ITGA8: variants seen among roughly 807,000 people sequenced by gnomAD.
The protein encoded by ITGA8 is integrin subunit alpha 8, also known as integrin alpha-8.
A neutral mutation model predicts 142.3 loss-of-function variants in ITGA8; 91 were observed. That is an observed-to-expected ratio of 0.64 (90% CI 0.54 to 0.76). The LOEUF (loss-of-function observed/expected upper bound fraction) is 0.76, where lower values mean the gene tolerates loss of function less well. ITGA8 is among the 30% of genes least tolerant of loss of function. ITGA8 has a pLI of 0.00. For synonymous variants in ITGA8, 505 were observed against 485.2 expected, an observed-to-expected ratio of 1.04 and a Z score of -0.54; for missense variants, 1,406 against 1,327.7, an observed-to-expected ratio of 1.06 and a Z score of -0.92.
chr10:15,710,897 A>G (rs564941472), intron 2 of ITGA8, among the ~76,000 whole-genome samples: 1 of 152,304 alleles, frequency 6.6e-6, no homozygotes, highest in South Asian at 2.1e-4. Flanking sequence ...CTCTCGTGTC[A>G]GTATGTCCTG....
At chr10:15,649,553 G>A (rs914089222) in intron 11 of ITGA8, among the ~76,000 whole-genome samples, 5 of 151,136 alleles carry the variant, frequency 3.3e-5, no homozygotes, top group Non-Finnish European at 4.4e-5. Context: ...GCTTGAACCC[G>A]GGAGGCAGAG....
At position 15,517,227 on chromosome 10, in the gene ITGA8, T is replaced by A; in HGVS notation, c.3123A>T (p.Arg1041Ser). Residue 1041 changes from arginine (R) to serine (S), a missense_variant, in exon 30 of 30, where the codon AGA becomes AGT. By Grantham distance (110) the Arg-to-Ser change is moderately radical. Transcript: ENST00000378076. The stretch of plus-strand genomic sequence containing the variant: ...TCATGTCCTCCTGAGGAGGTCTGGC[T>A]CTGTCAAAGAATCCACACTATAAAG... ...LALWKCGFFDRARPPQEDMTD... is the reference protein window; with the variant it reads ...LALWKCGFFDSARPPQEDMTD... The A allele has an allele frequency of 6.2e-7, 1 of 1,612,946 alleles. No individual in the cohort carries two copies. The highest frequency in any genetic ancestry group is 8.5e-7 in the Non-Finnish European group (1 of 1,179,258).
rs751776244 is a variant in ITGA8 at position 15,548,523 on chromosome 10, G to A, written c.2812C>T (p.Arg938Ter). 14 of 1,605,908 alleles carry A rather than the reference G, an allele frequency of 8.7e-6. No individual in the cohort carries two copies. Among genetic ancestry groups the A allele is most frequent in the Middle Eastern group, 1.7e-4 (1 of 6,060 alleles). Reference protein sequence around the residue: ...ECLQISCAVGRLEGGESAVLK... With the variant: ...ECLQISCAVG Reference sequence around the variant, plus strand: ...ACTGCGCTTTCTCCTCCTTCGAGTCGTCCCACTGCACAGGAGATTTGTAAA... The same window carrying A: ...ACTGCGCTTTCTCCTCCTTCGAGTCATCCCACTGCACAGGAGATTTGTAAA... Residue 938 changes from arginine (R) to a stop codon, truncating the protein, a stop_gained, in exon 27 of 30, where the codon CGA becomes TGA. Transcript: ENST00000378076. LOFTEE classifies it high-confidence loss of function.
intron 6 of ITGA8, among the ~76,000 whole-genome samples, chr10:15,673,943 C>T (rs982884868): frequency 2.0e-5 from 3 of 148,734 alleles, no homozygotes; most frequent in Non-Finnish European, 4.4e-5. Flanking sequence ...TTACCATGGA[C>T]ATCTAAGGCA....
At chr10:15,655,209 T>C (rs569057657) in intron 11 of ITGA8, 145 bp downstream of exon 11, 233 of 513,982 alleles carry the variant, frequency 4.5e-4, no homozygotes, top group African/African-American at 4.4e-3. Flanking sequence ...AGATGCATCT[T>C]CTTGTCTTGA....
chr10:15,662,527 CAG>C (rs1834309575), intron 8 of ITGA8, among the ~76,000 whole-genome samples: 1 of 151,716 alleles, frequency 6.6e-6, no homozygotes, highest in African/African-American at 2.4e-5. Context: ...TTTGTAGAGA[CAG>C]GGTCTCACTA....
At chr10:15,602,010 C>T (rs1833112569) in intron 20 of ITGA8, among the ~76,000 whole-genome samples, 1 of 152,226 alleles carries the variant, frequency 6.6e-6, no homozygotes, top group East Asian at 1.9e-4. Flanking sequence ...CAGATAATGT[C>T]CCTTGTAATG....
intron 15 of ITGA8, among the ~76,000 whole-genome samples, chr10:15,613,350 C>A (rs1029106422): frequency 1.3e-5 from 2 of 152,132 alleles, no homozygotes; most frequent in Non-Finnish European, 2.9e-5. Flanking sequence ...ATTTGTTTGA[C>A]TGGGAATTTC....
intron 8 of ITGA8, among the ~76,000 whole-genome samples, chr10:15,662,116 C>A (rs10904611): frequency 0.59 from 89,869 of 151,714 alleles, 27,453 homozygotes; most frequent in South Asian, 0.76. Context: ...GTGAAGTCTG[C>A]AATCTCATGT....
chr10:15,606,217 AAGCCATGAGAACAACACCC>A, intron 18 of ITGA8, 49 bp downstream of exon 18: 1 of 1,393,870 alleles, frequency 7.2e-7, no homozygotes, highest in Non-Finnish European at 9.8e-7. Flanking sequence ...TTTAGTCTTA[AAGCCATGAGAACAACACCC>A]CAGAGAGCTT....
intron 4 of ITGA8, 53 bp downstream of exon 4, chr10:15,683,951 C>T (rs191357480): frequency 3.2e-5 from 52 of 1,608,582 alleles, no homozygotes; most frequent in South Asian, 2.0e-4. Context: ...CTCCTGTCTA[C>T]GATAGAAAAG....
chr10:15,561,306 G>A (rs1047694899), intron 25 of ITGA8, among the ~76,000 whole-genome samples: 1 of 148,094 alleles, frequency 6.8e-6, no homozygotes, highest in Non-Finnish European at 1.5e-5. Flanking sequence ...ATAAATAAAT[G>A]GAAAAATAAC....
chr10:15,683,767 G>A (rs1326061425), intron 4 of ITGA8, among the ~76,000 whole-genome samples: 1 of 152,240 alleles, frequency 6.6e-6, no homozygotes, highest in East Asian at 1.9e-4. Context: ...AATCAATTCT[G>A]CAAAATATCT....
At chr10:15,613,015 G>C (rs1833326296) in intron 15 of ITGA8, among the ~76,000 whole-genome samples, 1 of 152,104 alleles carries the variant, frequency 6.6e-6, no homozygotes, top group Non-Finnish European at 1.5e-5. Context: ...ACAAAAATTA[G>C]CTGGGAATGA....
At chr10:15,576,386 T>C (rs1195067061) in intron 23 of ITGA8, among the ~76,000 whole-genome samples, 1 of 152,198 alleles carries the variant, frequency 6.6e-6, no homozygotes, top group African/African-American at 2.4e-5. Context: ...TTATTTTATA[T>C]AAAAAGCTGA....
chr10:15,680,283 A>C (rs1209785572), intron 4 of ITGA8, among the ~76,000 whole-genome samples: 11 of 118,708 alleles, frequency 9.3e-5, no homozygotes, highest in Non-Finnish European at 9.5e-5. Context: ...GCTGGAGTGC[A>C]GTGGCGCGAT....
At chr10:15,596,136 G>A (rs1342477022) in intron 21 of ITGA8, among the ~76,000 whole-genome samples, 2 of 152,214 alleles carry the variant, frequency 1.3e-5, no homozygotes, top group African/African-American at 4.8e-5. Flanking sequence ...GACTATGATA[G>A]TGAAAAATGT....
At chr10:15,660,834 A>G (rs376515579) in intron 9 of ITGA8, 45 bp downstream of exon 9, 10 of 1,462,656 alleles carry the variant, frequency 6.8e-6, no homozygotes, top group East Asian at 4.5e-5. Context: ...AGGAGCACCT[A>G]TACAAGAAAA....
chr10:15,517,353 C>T (rs915768270), intron 29 of ITGA8, 109 bp from the exon 30 acceptor site: 26 of 623,244 alleles, frequency 4.2e-5, no homozygotes, highest in African/African-American at 3.2e-4. Context: ...AACTGAGTCT[C>T]GCTCTCTATT....
Sources: gnomAD v4.1 joint callset for allele counts (sites outside exome capture counted in the v4.1 genomes callset) on GRCh38, gnomAD v4.1.1 for gene constraint, MANE v1.5 for transcripts, NCBI Gene and HGNC (gene_info 2026-07-23, HGNC 2026-07-21) for gene names.